The following CRACR2A variants were observed in gnomAD, a reference collection of about 807,000 sequenced individuals.
CRACR2A encodes the protein calcium release activated channel regulator 2A, also known as EF-hand calcium-binding domain-containing protein 4B.
Under a neutral mutation model 90.5 loss-of-function variants are expected in CRACR2A, and 79 were observed. That is an observed-to-expected ratio of 0.87 (90% CI 0.73 to 1.05). The LOEUF (loss-of-function observed/expected upper bound fraction) is 1.05. Ranked by LOEUF, CRACR2A falls within the 50% of genes least tolerant of loss-of-function variation. The pLI, the probability that CRACR2A is intolerant of heterozygous loss-of-function variation, is 0.00. For missense variants in CRACR2A, 823 were observed against 897.2 expected (o/e 0.92, Z 1.06); for synonymous variants, 338 against 356.7 (o/e 0.95, Z 0.59).
At chr12:3,617,490 C>A (rs1246482911) in intron 18 of CRACR2A, among the ~76,000 whole-genome samples, 2 of 152,206 alleles carry the variant, frequency 1.3e-5, no homozygotes, top group Non-Finnish European at 2.9e-5. Flanking sequence ...CTCCTTGCAG[C>A]ATGCTTTTCC....
rs572293776 is a variant in CRACR2A at position 3,696,835 on chromosome 12, T to C, written c.165A>G (p.Ala55=). 53 of 1,614,208 alleles carry C rather than the reference T, an allele frequency of 3.3e-5. No homozygotes were observed. The South Asian group carries it at 5.3e-4, about 16-fold the overall frequency. ...TSGQLVMLRK[A]QEFFQTCDAE... ...CATCACAGGTCTGAAAGAACTCCTG[T>C]GCCTTCCTCAGCATGACTAGCTGGC... is the stretch of plus-strand genomic sequence containing the variant. Residue 55 remains alanine (A), a synonymous_variant, in exon 4 of 20, where the codon GCA becomes GCG. Coordinates refer to ENST00000440314, the MANE Select transcript of CRACR2A (RefSeq NM_001144958.2).
intron 2 of CRACR2A, among the ~76,000 whole-genome samples, chr12:3,725,395 T>C (rs563553227): frequency 5.5e-4 from 84 of 152,304 alleles, no homozygotes; most frequent in African/African-American, 2.0e-3. Context: ...GGCTTGAGGC[T>C]ATATCACTCC....
intron 3 of CRACR2A, among the ~76,000 whole-genome samples, chr12:3,700,409 G>A (rs913603399): frequency 1.6e-4 from 25 of 152,132 alleles, no homozygotes; most frequent in Admixed American, 6.5e-4. Context: ...ACGGGGAGGG[G>A]AAACACAGGC....
At chr12:3,733,970 C>CTTTTTTTTTTTTTTT (rs1555121368) in intron 1 of CRACR2A, among the ~76,000 whole-genome samples, 1 of 55,612 alleles carries the variant, frequency 1.8e-5, no homozygotes, top group Non-Finnish European at 4.6e-5. Context: ...CACATTTTGC[C>CTTTTTTTTTTTTTTT]TTATTTTTTT....
intron 3 of CRACR2A, among the ~76,000 whole-genome samples, chr12:3,703,190 G>A (rs940442936): frequency 1.3e-5 from 2 of 152,260 alleles, no homozygotes; most frequent in East Asian, 1.9e-4. Context: ...CCCAGGTTAC[G>A]CCATTCTCCT....
chr12:3,723,337 C>A (rs1946211680), intron 2 of CRACR2A, among the ~76,000 whole-genome samples: 1 of 152,158 alleles, frequency 6.6e-6, no homozygotes, highest in Non-Finnish European at 1.5e-5. Flanking sequence ...CTGGAGGACA[C>A]TGTTTCTCTC....
chr12:3,682,583 T>C (rs760330242), intron 4 of CRACR2A, among the ~76,000 whole-genome samples: 1 of 152,168 alleles, frequency 6.6e-6, no homozygotes, highest in Non-Finnish European at 1.5e-5. Flanking sequence ...TCTTCAGCCT[T>C]CTCTGCAACT....
At chr12:3,649,535 G>A (rs962763173) in intron 10 of CRACR2A, among the ~76,000 whole-genome samples, 4 of 152,126 alleles carry the variant, frequency 2.6e-5, no homozygotes, top group South Asian at 2.1e-4. Context: ...TGATCCAGCT[G>A]TAATGCAGAG....
chr12:3,640,566 T>C lies in CRACR2A; in HGVS notation c.1271+1166A>G. 4 of 1,274,050 alleles carry C rather than the reference T, an allele frequency of 3.1e-6. No individual in the cohort carries two copies. The South Asian group carries it at 5.3e-5, about 17-fold the overall frequency. 78.9% of individuals were successfully genotyped at this position (1,274,050 alleles called of 1,614,324 possible). ...GAGGAACCAACAGGCCAACCACTATTGCAGAGATTTGGCTCCCAAATTGTA... is the reference window on the plus strand; with the variant it reads ...GAGGAACCAACAGGCCAACCACTATCGCAGAGATTTGGCTCCCAAATTGTA... On this transcript the variant is annotated intron_variant, in intron 13 of 19. Transcript: ENST00000440314.
intron 8 of CRACR2A, among the ~76,000 whole-genome samples, chr12:3,657,100 C>T (rs1309241888): frequency 6.6e-6 from 1 of 152,222 alleles, no homozygotes; most frequent in African/African-American, 2.4e-5. Context: ...CTGATGCTCT[C>T]AGCAGAGCCA....
chr12:3,725,420 C>T (rs1002799477), intron 2 of CRACR2A, among the ~76,000 whole-genome samples: 3 of 152,124 alleles, frequency 2.0e-5, no homozygotes, highest in Non-Finnish European at 4.4e-5. Context: ...CTGCCTCTGT[C>T]CTCATTTGGC....
At position 3,633,233 on chromosome 12, in the gene CRACR2A, A is replaced by T. The variant is rs1342803767; in HGVS notation, c.1735+371T>A. Among the ~76,000 whole-genome samples the T allele has an allele frequency of 2.0e-5, 3 of 151,566 alleles. No homozygotes were observed. Among genetic ancestry groups the T allele is most frequent in the Admixed American group, 6.6e-5 (1 of 15,234 alleles). On this transcript the variant is annotated intron_variant, in intron 15 of 19. Transcript: ENST00000440314. This position sits in a 1 kb window ranked among gnomAD's most constrained non-coding sequence, Gnocchi z 4.5. ...GAGGAGTCCTGGTCAGTTCAGGGGG[A>T]GCAGGAAGACCCAGGACCCTGCTGA...
chr12:3,707,183 C>T (rs1945939242), intron 3 of CRACR2A, among the ~76,000 whole-genome samples: 1 of 152,126 alleles, frequency 6.6e-6, no homozygotes, highest in African/African-American at 2.4e-5. Context: ...TTGAAATGCG[C>T]AGTCTTTCCA....
intron 7 of CRACR2A, 26 bp downstream of exon 7, chr12:3,673,419 GA>G: frequency 6.3e-7 from 1 of 1,596,494 alleles, no homozygotes; most frequent in Non-Finnish European, 8.5e-7. Flanking sequence ...CATAGTTACA[GA>G]AAGCGGCTGA....
chr12:3,679,116 C>T lies in CRACR2A; in HGVS notation c.341-18G>A. On this transcript the variant is annotated intron_variant, in intron 5 of 19. Transcript: ENST00000440314. ...GAAGTGACCTGGGGGGTGCAGGGCA[C>T]AAGGATCCGAATTAGACCATACCCA... The T allele has an allele frequency of 6.2e-7, 1 of 1,603,702 alleles. No homozygotes were observed. The highest frequency in any genetic ancestry group is 8.5e-7 in the Non-Finnish European group (1 of 1,175,586).
At chr12:3,622,755 C>T (rs556221553) in intron 17 of CRACR2A, among the ~76,000 whole-genome samples, 15 of 151,900 alleles carry the variant, frequency 9.9e-5, no homozygotes, top group Non-Finnish European at 1.6e-4. Context: ...CACATTAAAG[C>T]ATGCAGTTAT....
At position 3,678,813 on chromosome 12, in the gene CRACR2A, G is replaced by T. The variant is rs1221032808; in HGVS notation, c.524+102C>A. 6.9e-6 allele frequency: 9 copies of T among 1,309,536 alleles called. No individual in the cohort carries two copies. The Admixed American group carries it at 1.2e-4, about 18-fold the overall frequency. 81.1% of individuals were successfully genotyped at this position (1,309,536 alleles called of 1,614,324 possible). A position where few individuals can be genotyped will look rare whatever the true frequency, so the allele number is the denominator to read the frequency against. The stretch of plus-strand genomic sequence containing the variant: ...TTACCTGCACTGCATTCCAGTGCAG[G>T]GACCAGCACCACATGGTTAACAAAT... On this transcript the variant is annotated intron_variant, in intron 6 of 19. Transcript: ENST00000440314.
intron 9 of CRACR2A, among the ~76,000 whole-genome samples, chr12:3,655,833 C>G (rs955661420): frequency 6.6e-6 from 1 of 152,212 alleles, no homozygotes; most frequent in Non-Finnish European, 1.5e-5. Context: ...TGAACCAGTC[C>G]AGGCACCACA....
chr12:3,702,625 T>C (rs1945851449), intron 3 of CRACR2A, among the ~76,000 whole-genome samples: 2 of 152,262 alleles, frequency 1.3e-5, no homozygotes, highest in Admixed American at 6.5e-5. Flanking sequence ...AAAATATCAA[T>C]GAGAATACAA....
Sources: allele counts gnomAD v4.1 joint callset (sites outside exome capture counted in the v4.1 genomes callset), GRCh38; gene constraint gnomAD v4.1.1; non-coding constraint Gnocchi (gnomAD v3.1); transcripts MANE v1.5; gene names NCBI Gene and HGNC (gene_info 2026-07-23, HGNC 2026-07-21).